ICA1L: variants seen among roughly 807,000 people sequenced by gnomAD.
ICA1L encodes islet cell autoantigen 1-like protein.
Under a neutral mutation model 61.3 loss-of-function variants are expected in ICA1L, and 50 were observed. The observed-to-expected ratio is 0.82, with a 90% CI of 0.65 to 1.03. The LOEUF is 1.03. Among genes scored for constraint, ICA1L ranks in the 50% least tolerant of loss-of-function variants. ICA1L has a pLI of 0.00. For synonymous variants in ICA1L, 161 were observed against 191.3 expected (o/e 0.84, Z 1.31); for missense variants, 508 against 556.7 (o/e 0.91, Z 0.88).
At chr2:202,819,610 C>CA (rs1693639039) in intron 5 of ICA1L, 91 bp downstream of exon 5, 2 of 1,042,114 alleles carry the variant, frequency 1.9e-6, no homozygotes, top group South Asian at 1.5e-5. Context: ...ATATATTTAC[C>CA]AAAAAACATC....
At chr2:202,788,801 A>C in intron 11 of ICA1L, 29 bp downstream of exon 11, 3 of 1,612,432 alleles carry the variant, frequency 1.9e-6, no homozygotes, top group Non-Finnish European at 2.5e-6. Context: ...AGTAAAGCAC[A>C]TATGTCCAAA....
intron 8 of ICA1L, 93 bp downstream of exon 8, chr2:202,814,609 T>C: frequency 1.2e-6 from 1 of 804,284 alleles, no homozygotes; most frequent in East Asian, 2.5e-5. Flanking sequence ...GGAATAAATA[T>C]TCAGTAAGAG....
chr2:202,819,980 A>G, intron 4 of ICA1L, 81 bp from the exon 5 acceptor site: 1 of 1,031,952 alleles, frequency 9.7e-7, no homozygotes, highest in Non-Finnish European at 1.4e-6. Flanking sequence ...ATGAAAAAGC[A>G]TATTTGCTAA....
chr2:202,808,853 G>A (rs758211234), intron 9 of ICA1L, among the ~76,000 whole-genome samples: 1 of 152,194 alleles, frequency 6.6e-6, no homozygotes, highest in Admixed American at 6.5e-5. Context: ...CAGCTACAAT[G>A]ACCAAAGATT....
Position 202,775,373 on chromosome 2 carries a change from G to A in ICA1L, c.*4160C>T, listed in dbSNP as rs941006282. 6.6e-6 allele frequency: 1 copy of A among 151,970 alleles called. No homozygotes were observed. Among genetic ancestry groups the A allele is most frequent in the Non-Finnish European group, 1.5e-5 (1 of 67,976 alleles). 9.4% of individuals were successfully genotyped at this position (151,970 alleles called of 1,614,324 possible). A position where few individuals can be genotyped will look rare whatever the true frequency, so the allele number is the denominator to read the frequency against. ...TCAATAAGTCAGGTTACATACTATGGCTTATATTTAATTGTTTGTGTCTAG... is the reference window on the plus strand; with the variant it reads ...TCAATAAGTCAGGTTACATACTATGACTTATATTTAATTGTTTGTGTCTAG... On this transcript the variant is annotated 3_prime_UTR_variant, in exon 13 of 13. Transcript: ENST00000358299.
At chr2:202,796,307 A>AT (rs1461009132) in intron 10 of ICA1L, among the ~76,000 whole-genome samples, 1 of 152,180 alleles carries the variant, frequency 6.6e-6, no homozygotes, top group Non-Finnish European at 1.5e-5. Context: ...CTTTAAAAAA[A>AT]TTTTTTTAAC....
At chr2:202,828,438 T>C (rs1693910660) in intron 2 of ICA1L, among the ~76,000 whole-genome samples, 1 of 152,180 alleles carries the variant, frequency 6.6e-6, no homozygotes, top group Non-Finnish European at 1.5e-5. Flanking sequence ...TTTAATAAAA[T>C]AGAAACAATA....
chr2:202,795,957 T>C (rs981733306), intron 10 of ICA1L, among the ~76,000 whole-genome samples: 3 of 151,756 alleles, frequency 2.0e-5, no homozygotes, highest in Non-Finnish European at 4.4e-5. Context: ...GCACAAGAAT[T>C]GCTTGAACCC....
At chr2:202,827,325 G>A (rs1693874792) in intron 2 of ICA1L, among the ~76,000 whole-genome samples, 1 of 151,792 alleles carries the variant, frequency 6.6e-6, no homozygotes, top group Non-Finnish European at 1.5e-5. Flanking sequence ...CCCGGGAGGC[G>A]GAGGTTGCAG....
intron 4 of ICA1L, 96 bp from the exon 5 acceptor site, chr2:202,819,995 A>G: frequency 1.1e-6 from 1 of 895,142 alleles, no homozygotes; most frequent in African/African-American, 1.7e-5. Flanking sequence ...TGCTAACAAG[A>G]TGAATCTACA....
chr2:202,804,197 T>G (rs1317265178), intron 9 of ICA1L, among the ~76,000 whole-genome samples: 1 of 152,204 alleles, frequency 6.6e-6, no homozygotes, highest in Non-Finnish European at 1.5e-5. Context: ...CTATTTGGCA[T>G]AAGCAACTTC....
At chr2:202,850,900 T>C (rs552868576) in intron 1 of ICA1L, among the ~76,000 whole-genome samples, 3 of 152,240 alleles carry the variant, frequency 2.0e-5, no homozygotes, top group Admixed American at 2.0e-4. Context: ...AAAGGTCAGG[T>C]TACCGACAAA....
rs778163724 is a variant in ICA1L at position 202,825,720 on chromosome 2, G to A, written c.210C>T (p.Ile70=). Residue 70 remains isoleucine, a synonymous_variant, in exon 3 of 13, where the codon ATC becomes ATT. Transcript: ENST00000358299. ...QETCTELLKI[I]EKYQLRLNVI... ...CATTGAGTCTTAGCTGGTATTTCTCGATTATCTTCAGAAGTTCAGTGCATG... is the reference window on the plus strand; with the variant it reads ...CATTGAGTCTTAGCTGGTATTTCTCAATTATCTTCAGAAGTTCAGTGCATG... 16 of 1,569,530 alleles carry A rather than the reference G, an allele frequency of 1.0e-5. No individual in the cohort carries two copies. The highest frequency in any genetic ancestry group is 9.0e-5 in the East Asian group (4 of 44,370).
chr2:202,850,856 A>G (rs1168145237), intron 1 of ICA1L, among the ~76,000 whole-genome samples: 2 of 152,180 alleles, frequency 1.3e-5, no homozygotes, highest in Non-Finnish European at 2.9e-5. Context: ...TCCAAGGTGA[A>G]ACGAAGGAAA....
intron 9 of ICA1L, 74 bp from the exon 10 acceptor site, chr2:202,797,038 CA>C (rs1692948471): frequency 1.1e-6 from 1 of 922,772 alleles, no homozygotes; most frequent in Non-Finnish European, 1.6e-6. Context: ...AATAGTCTAT[CA>C]TTAGGTCAAG....
chr2:202,864,262 G>A (rs971972538), intron 1 of ICA1L, among the ~76,000 whole-genome samples: 1 of 147,182 alleles, frequency 6.8e-6, no homozygotes, highest in Non-Finnish European at 1.5e-5. Context: ...TTTTTTTTTC[G>A]AGACGGAGTC....
chr2:202,820,000 T>C (rs1354141684), intron 4 of ICA1L, 101 bp from the exon 5 acceptor site: 3 of 853,968 alleles, frequency 3.5e-6, no homozygotes, highest in Admixed American at 2.5e-5. Flanking sequence ...ACAAGATGAA[T>C]CTACAAGTAA....
chr2:202,820,473 G>C (rs931166850), intron 4 of ICA1L, among the ~76,000 whole-genome samples: 2 of 152,004 alleles, frequency 1.3e-5, no homozygotes, highest in African/African-American at 4.8e-5. Flanking sequence ...TAAATAACCT[G>C]CCAAGTAAAT....
intron 10 of ICA1L, 54 bp from the exon 11 acceptor site, chr2:202,789,141 T>C: frequency 7.1e-7 from 1 of 1,404,634 alleles, no homozygotes; most frequent in Non-Finnish European, 9.9e-7. Flanking sequence ...GAAATGAGAG[T>C]AAGACCATAG....
Sources: allele counts gnomAD v4.1 joint callset (sites outside exome capture counted in the v4.1 genomes callset), GRCh38; gene constraint gnomAD v4.1.1; transcripts MANE v1.5; gene names NCBI Gene and HGNC (gene_info 2026-07-23, HGNC 2026-07-21).